Variants in DBX2 observed in about 807,000 individuals in gnomAD.
DBX2 encodes homeobox protein DBX2.
DBX2 carries 16 observed loss-of-function variants against 17.7 expected under a neutral mutation model. The observed-to-expected ratio is 0.90, with a 90% CI of 0.61 to 1.37. The LOEUF (loss-of-function observed/expected upper bound fraction) is 1.37. Among genes scored for constraint, DBX2 ranks in the 40% most tolerant of loss-of-function variants. The pLI is 0.00. For missense variants in DBX2, 538 were observed against 433.8 expected (o/e 1.24, Z -2.13); for synonymous variants, 255 against 183.8 (o/e 1.39, Z -3.13).
In DBX2 at chr12:45,016,505, C is replaced by A; in HGVS notation, c.801G>T (p.Arg267=). The A allele has an allele frequency of 1.9e-6, 3 of 1,613,320 alleles. No individual in the cohort carries two copies. Among genetic ancestry groups the A allele is most frequent in the Non-Finnish European group, 2.5e-6 (3 of 1,179,728 alleles). Residue 267 remains arginine (R), a synonymous_variant, in exon 4 of 4, where the codon CGG becomes CGT. Transcript: ENST00000332700. Reference sequence around the variant, plus strand: ...ATGGAGAAGGGAAACCCAGAGCAGACCGTGAGAGGGGATCCTCTTGAAGAC... The same window carrying A: ...ATGGAGAAGGGAAACCCAGAGCAGAACGTGAGAGGGGATCCTCTTGAAGAC... ...EVGLQEDPLS[R]SALGFPSPCP...
intron 3 of DBX2, among the ~76,000 whole-genome samples, chr12:45,018,026 AC>A (rs1946332201): frequency 6.6e-6 from 1 of 152,204 alleles, no homozygotes. Context: ...CAAAATGGCA[AC>A]AAAAAAAATC....
At chr12:45,047,741 T>A (rs1468321541) in intron 1 of DBX2, among the ~76,000 whole-genome samples, 1 of 152,184 alleles carries the variant, frequency 6.6e-6, no homozygotes, top group Admixed American at 6.5e-5. Flanking sequence ...CATTATTTTC[T>A]TCTAGTCAAT....
chr12:45,016,603 G>A lies in DBX2; in HGVS notation c.703C>T (p.Gln235Ter). The A allele has an allele frequency of 2.0e-6, 3 of 1,522,712 alleles. No individual in the cohort carries two copies. The highest frequency in any genetic ancestry group is 2.6e-6 in the Non-Finnish European group (3 of 1,138,260). The allele number at this position is 1,522,712 out of a possible 1,614,324, so 94.3% of individuals were successfully genotyped here. A position where few individuals can be genotyped will look rare whatever the true frequency, so the allele number is the denominator to read the frequency against. Reference protein sequence around the residue: ...LKESQVKIWFQNRRMKWRNSK... With the variant: ...LKESQVKIWF ...TTCCGCCATTTCATCCTCCTGTTCTGAAACCAAATTTTCACCTATTGACAA... is the reference window on the plus strand; with the variant it reads ...TTCCGCCATTTCATCCTCCTGTTCTAAAACCAAATTTTCACCTATTGACAA... Residue 235 changes from glutamine (Q) to a stop codon, truncating the protein, a stop_gained, in exon 4 of 4, where the codon CAG becomes TAG. Coordinates refer to ENST00000332700, the MANE Select transcript of DBX2 (RefSeq NM_001004329.3). LOFTEE classifies it low-confidence loss of function (END_TRUNC).
chr12:45,031,486 A>G (rs1173345434), intron 2 of DBX2, among the ~76,000 whole-genome samples: 1 of 152,078 alleles, frequency 6.6e-6, no homozygotes, highest in Non-Finnish European at 1.5e-5. Context: ...TACACTTTAT[A>G]TCTATTTGCA....
chr12:45,043,656 C>T (rs1272504164), intron 1 of DBX2, among the ~76,000 whole-genome samples: 1 of 152,220 alleles, frequency 6.6e-6, no homozygotes, highest in Non-Finnish European at 1.5e-5. Flanking sequence ...TGACATCTAA[C>T]ATCACTCAAG....
chr12:45,050,944 G>T lies in DBX2; in HGVS notation c.-17C>A, dbSNP rs574585710. 1.4e-6 allele frequency: 2 copies of T among 1,418,748 alleles called. No homozygotes were observed. The highest frequency in any genetic ancestry group is 3.0e-5 in the East Asian group (1 of 33,058). 87.9% of individuals were successfully genotyped at this position (1,418,748 alleles called of 1,614,324 possible). On this transcript the variant is annotated 5_prime_UTR_variant, in exon 1 of 4. Transcript: ENST00000332700. ...GGGGAGCATAGTGCGGCGCCAACCGGTCTGCTGCGCGCCCGCCTTGCGCCC... is the reference window on the plus strand; with the variant it reads ...GGGGAGCATAGTGCGGCGCCAACCGTTCTGCTGCGCGCCCGCCTTGCGCCC...
intron 1 of DBX2, among the ~76,000 whole-genome samples, chr12:45,046,427 C>T (rs1468914916): frequency 1.3e-5 from 2 of 152,126 alleles, no homozygotes; most frequent in Non-Finnish European, 2.9e-5. Flanking sequence ...TGTTGTCATC[C>T]TGGTTCTGAA....
At chr12:45,041,876 A>G (rs1417845575) in intron 1 of DBX2, among the ~76,000 whole-genome samples, 1 of 152,202 alleles carries the variant, frequency 6.6e-6, no homozygotes, top group South Asian at 2.1e-4. Context: ...TGGTTAATGA[A>G]ATGAAATGTA....
intron 2 of DBX2, among the ~76,000 whole-genome samples, chr12:45,029,516 G>C (rs147509281): frequency 6.6e-6 from 1 of 152,148 alleles, no homozygotes; most frequent in East Asian, 1.9e-4. Context: ...TCAAAGGTAC[G>C]AGTGGGCAGG....
intron 1 of DBX2, among the ~76,000 whole-genome samples, chr12:45,044,616 A>G (rs77671884): frequency 6.6e-6 from 1 of 152,164 alleles, no homozygotes; most frequent in Non-Finnish European, 1.5e-5. Context: ...TAAAATAGTC[A>G]GCAATTTTTA....
intron 3 of DBX2, 143 bp downstream of exon 3, chr12:45,023,564 A>AAT (rs1946364522): frequency 2.9e-6 from 3 of 1,024,942 alleles, no homozygotes; most frequent in Non-Finnish European, 4.3e-6. Flanking sequence ...TGGTATAAGA[A>AAT]ATATTTGCTA....
chr12:45,040,114 G>A (rs1946463432), intron 1 of DBX2, among the ~76,000 whole-genome samples: 1 of 152,120 alleles, frequency 6.6e-6, no homozygotes, highest in South Asian at 2.1e-4. Context: ...GCTGGGAAAG[G>A]CAGACCCACC....
chr12:45,026,423 T>G (rs754840363), intron 2 of DBX2, among the ~76,000 whole-genome samples: 14 of 152,214 alleles, frequency 9.2e-5, no homozygotes, highest in African/African-American at 3.4e-4. Context: ...ATTGAATCTA[T>G]GGCATGAATG....
chr12:45,050,399 T>C, intron 1 of DBX2, 126 bp downstream of exon 1: 2 of 1,313,384 alleles, frequency 1.5e-6, no homozygotes, highest in Non-Finnish European at 2.0e-6. Flanking sequence ...AAGCTCGAGA[T>C]GCTCCAGGAA....
intron 3 of DBX2, among the ~76,000 whole-genome samples, chr12:45,019,583 A>G (rs1173912417): frequency 1.3e-5 from 2 of 152,136 alleles, no homozygotes; most frequent in African/African-American, 4.8e-5. Context: ...AAATGTACAC[A>G]CACTTTTACA....
intron 2 of DBX2, among the ~76,000 whole-genome samples, chr12:45,028,526 C>A (rs1019102229): frequency 1.3e-5 from 2 of 152,068 alleles, no homozygotes; most frequent in Non-Finnish European, 2.9e-5. Context: ...TTAAATGCCC[C>A]TAAAACTTTT....
rs2137035879 is a variant in DBX2 at position 45,051,057 on chromosome 12, A to G, written c.-130T>C. 1 of 1,146,392 alleles carries G rather than the reference A, an allele frequency of 8.7e-7. No homozygotes were observed. Among genetic ancestry groups the G allele is most frequent in the Non-Finnish European group, 1.1e-6 (1 of 899,170 alleles). The allele number at this position is 1,146,392 out of a possible 1,614,324, so 71.0% of individuals were successfully genotyped here. A position where few individuals can be genotyped will look rare whatever the true frequency, so the allele number is the denominator to read the frequency against. ...AGGGCTGGAGCGCGCGGAGCCAGGCAGGGAGGAAAGGCCACCCGGGACGGC... is the reference window on the plus strand; with the variant it reads ...AGGGCTGGAGCGCGCGGAGCCAGGCGGGGAGGAAAGGCCACCCGGGACGGC... On this transcript the variant is annotated 5_prime_UTR_variant, in exon 1 of 4. Coordinates refer to ENST00000332700, the MANE Select transcript of DBX2 (RefSeq NM_001004329.3).
chr12:45,036,205 T>C (rs1946440283), intron 1 of DBX2, 91 bp from the exon 2 acceptor site: 1 of 1,134,502 alleles, frequency 8.8e-7, no homozygotes, highest in African/African-American at 1.6e-5. Flanking sequence ...AGTAAATACT[T>C]TGCTTAGTTT....
chr12:45,050,520 C>T lies in DBX2; in HGVS notation c.403+5G>A, dbSNP rs897450692. 5.8e-6 allele frequency: 9 copies of T among 1,549,192 alleles called. No homozygotes were observed. The highest frequency in any genetic ancestry group is 7.0e-6 in the Non-Finnish European group (8 of 1,147,514). On this transcript the variant is annotated splice_donor_5th_base_variant and intron_variant, in intron 1 of 3. Transcript: ENST00000332700. The stretch of plus-strand genomic sequence containing the variant: ...GGCTGGGGAGGGAGGGGAGAGCTGG[C>T]TCACCTGGCGCTGAAGGCTGGAAGG...
Sources: allele counts gnomAD v4.1 joint callset (sites outside exome capture counted in the v4.1 genomes callset), GRCh38; gene constraint gnomAD v4.1.1; transcripts MANE v1.5; gene names NCBI Gene and HGNC (gene_info 2026-07-23, HGNC 2026-07-21).